UQCC2: variants seen among roughly 807,000 people sequenced by gnomAD.
The protein encoded by UQCC2 is ubiquinol-cytochrome c reductase complex assembly factor 2, also known as breast cancer-associated protein SGA-81M.
UQCC2 carries 21 observed loss-of-function variants against 19.9 expected under a neutral mutation model. That is an observed-to-expected ratio of 1.05 (90% confidence interval 0.75 to 1.52). The LOEUF is 1.52. Ranked by LOEUF, UQCC2 falls within the 40% of genes most tolerant of loss-of-function variation. The pLI is 0.00. For missense variants in UQCC2, 135 were observed against 157.5 expected (o/e 0.86, Z 0.76); for synonymous variants, 57 against 60.9 (o/e 0.94, Z 0.30).
rs1419117050 is a variant in UQCC2 at position 33,711,695 on chromosome 6, C to T, written c.-9G>A. 1.2e-6 allele frequency: 2 copies of T among 1,603,418 alleles called. No individual in the cohort carries two copies. Among genetic ancestry groups the T allele is most frequent in the Non-Finnish European group, 1.7e-6 (2 of 1,176,414 alleles). On this transcript the variant is annotated 5_prime_UTR_variant, in exon 1 of 4. Transcript: ENST00000607484. ...TACCGGCTGGCCGCCATCTTGGGCCCCGCGTGTTCCCGCCTTAGCGGGAGG... is the reference window on the plus strand; with the variant it reads ...TACCGGCTGGCCGCCATCTTGGGCCTCGCGTGTTCCCGCCTTAGCGGGAGG...
chr6:33,709,875 C>G (rs940417927), intron 1 of UQCC2, among the ~76,000 whole-genome samples: 7 of 152,142 alleles, frequency 4.6e-5, no homozygotes, highest in Non-Finnish European at 1.0e-4. Flanking sequence ...CATTTCTGGT[C>G]TCTTGCCCGA....
chr6:33,706,371 T>G (rs1765697944), intron 1 of UQCC2, among the ~76,000 whole-genome samples: 2 of 152,168 alleles, frequency 1.3e-5, no homozygotes, highest in South Asian at 2.1e-4. Flanking sequence ...AGTGCTCCAC[T>G]AGGGGACGGT....
At chr6:33,698,046 T>C (rs1181729660) in intron 3 of UQCC2, 2 of 390,254 alleles carry the variant, frequency 5.1e-6, no homozygotes, top group Non-Finnish European at 9.4e-6. Flanking sequence ...CTGCTCCGTA[T>C]GAGGGCAAAG....
At chr6:33,702,323 C>G (rs1049595218) in intron 1 of UQCC2, among the ~76,000 whole-genome samples, 2 of 147,074 alleles carry the variant, frequency 1.4e-5, no homozygotes, top group African/African-American at 5.2e-5. Context: ...CCAACAGATT[C>G]TTTTAGCAAA....
Position 33,697,686 on chromosome 6 carries a change from G to A in UQCC2, c.348C>T (p.Ala116=). The change falls in exon 4 of 4, where the codon GCC becomes GCT. Residue 116 remains alanine (A), a synonymous_variant. Transcript: ENST00000607484. ...GMWKKLQEKF[A]PKGPEEDHKA Reference sequence around the variant, plus strand: ...TATGATCCTCCTCAGGACCCTTGGGGGCAAACTTCTCCTGCAGTTTCTTCC... The same window carrying A: ...TATGATCCTCCTCAGGACCCTTGGGAGCAAACTTCTCCTGCAGTTTCTTCC... 3 of 1,613,986 alleles carry A rather than the reference G, an allele frequency of 1.9e-6. No homozygotes were observed. Among genetic ancestry groups the A allele is most frequent in the South Asian group, 1.1e-5 (1 of 91,072 alleles).
intron 1 of UQCC2, among the ~76,000 whole-genome samples, chr6:33,707,641 G>A (rs772350939): frequency 2.6e-5 from 4 of 152,216 alleles, no homozygotes; most frequent in Non-Finnish European, 5.9e-5. Flanking sequence ...GCCCCTCGGA[G>A]TTGCACCTTG....
At chr6:33,707,443 G>A (rs1275348582) in intron 1 of UQCC2, among the ~76,000 whole-genome samples, 1 of 152,190 alleles carries the variant, frequency 6.6e-6, no homozygotes, top group African/African-American at 2.4e-5. Context: ...TCAAATGGAT[G>A]ACTGAGAAAA....
chr6:33,708,576 G>A (rs1182994289), intron 1 of UQCC2, among the ~76,000 whole-genome samples: 2 of 152,068 alleles, frequency 1.3e-5, no homozygotes, highest in East Asian at 1.9e-4. Flanking sequence ...TCTCCTCTAC[G>A]GAAATGGAAA....
chr6:33,701,368 T>C lies in UQCC2; in HGVS notation c.191A>G (p.His64Arg). ...CACCTTGTGTTTGTAGTAGTTTGAA[T>C]GGAGTCGCGCTAAGCTCTCGTACAT... is the stretch of plus-strand genomic sequence containing the variant. ...DQMYESLARLHSNYYKHKYPR... is the reference protein window; with the variant it reads ...DQMYESLARLRSNYYKHKYPR... Residue 64 changes from histidine to arginine, a missense_variant, in exon 2 of 4, where the codon CAT becomes CGT. Physicochemically the swap from His to Arg is conservative, Grantham distance 29. Transcript: ENST00000607484. 1 of 1,613,686 alleles carries C rather than the reference T, an allele frequency of 6.2e-7. No individual in the cohort carries two copies. Among genetic ancestry groups the C allele is most frequent in the Non-Finnish European group, 8.5e-7 (1 of 1,179,808 alleles).
intron 1 of UQCC2, among the ~76,000 whole-genome samples, chr6:33,702,369 TATG>T (rs1434904185): frequency 4.6e-5 from 7 of 151,780 alleles, no homozygotes; most frequent in African/African-American, 1.7e-4. Flanking sequence ...GTTCTCAATC[TATG>T]ATAAGTGGGG....
At chr6:33,698,579 A>G (rs1267652071) in intron 3 of UQCC2, 4 of 152,330 alleles carry the variant, frequency 2.6e-5, no homozygotes, top group Non-Finnish European at 5.9e-5. Flanking sequence ...TTGTTTAAGA[A>G]CATACACGTC....
At position 33,702,769 on chromosome 6, in the gene UQCC2, T is replaced by C. The variant is rs140861702; in HGVS notation, c.139-1349A>G. 2.1e-3 allele frequency among the ~76,000 whole-genome samples: 321 copies of C among 152,374 alleles called. 2 individuals carry two copies. The highest frequency in any genetic ancestry group is 7.2e-3 in the African/African-American group (300 of 41,592). The stretch of plus-strand genomic sequence containing the variant: ...TATATTTTTTCCCCCAGAATTCAAA[T>C]GATGGATTTTTTCCTAACTTAAATC... On this transcript the variant is annotated intron_variant, in intron 1 of 3. Transcript: ENST00000607484.
At chr6:33,704,439 C>T (rs1292745201) in intron 1 of UQCC2, among the ~76,000 whole-genome samples, 4 of 152,118 alleles carry the variant, frequency 2.6e-5, no homozygotes, top group Non-Finnish European at 4.4e-5. Flanking sequence ...TGTGCACTGC[C>T]GAGGGTGGCG....
At chr6:33,711,461 G>A (rs982139135) in intron 1 of UQCC2, 88 bp downstream of exon 1, 4 of 1,489,156 alleles carry the variant, frequency 2.7e-6, no homozygotes, top group Non-Finnish European at 3.6e-6. Context: ...GCGCGCGCAT[G>A]CGCAGATCCC....
intron 1 of UQCC2, among the ~76,000 whole-genome samples, chr6:33,708,779 G>A (rs10947432): frequency 0.14 from 20,620 of 152,230 alleles, 1,875 homozygotes; most frequent in Middle Eastern, 0.22. Flanking sequence ...CAGTAGGAGT[G>A]ACTCACAATA....
At chr6:33,707,603 G>A (rs1435578857) in intron 1 of UQCC2, among the ~76,000 whole-genome samples, 2 of 152,234 alleles carry the variant, frequency 1.3e-5, no homozygotes, top group Non-Finnish European at 2.9e-5. Context: ...ACTCCCTGGT[G>A]GGCGAAGAGC....
At position 33,711,650 on chromosome 6, in the gene UQCC2, A is replaced by G. The variant is rs1167742265; in HGVS notation, c.37T>C (p.Cys13Arg). The change falls in exon 1 of 4, where the codon TGT becomes CGT. Residue 13 changes from cysteine (C) to arginine (R), a missense_variant. By Grantham distance (180) the Cys-to-Arg change is radical. Coordinates refer to ENST00000607484, the MANE Select transcript of UQCC2 (RefSeq NM_032340.4). The stretch of plus-strand genomic sequence containing the variant: ...GTCTCGTCCACTGGCCATTCCTCAC[A>G]GAGCTTAAGAAAACGCCGGTACCGG... ...ASRYRRFLKL[C>R]EEWPVDETKR... is the part of the protein sequence containing the mutation. 1.2e-6 allele frequency: 2 copies of G among 1,613,434 alleles called. No individual in the cohort carries two copies. The highest frequency in any genetic ancestry group is 2.2e-5 in the South Asian group (2 of 91,022).
At chr6:33,708,898 T>C (rs1331549838) in intron 1 of UQCC2, among the ~76,000 whole-genome samples, 1 of 152,180 alleles carries the variant, frequency 6.6e-6, no homozygotes, top group East Asian at 1.9e-4. Context: ...GCAACAGTGG[T>C]CCTGAGTAAT....
chr6:33,711,507 G>T, intron 1 of UQCC2, 42 bp downstream of exon 1: 1 of 1,563,218 alleles, frequency 6.4e-7, no homozygotes, highest in Non-Finnish European at 8.7e-7. Context: ...CCCCTGCCTC[G>T]TCCTTTCCTC....
Sources: allele counts gnomAD v4.1 joint callset (sites outside exome capture counted in the v4.1 genomes callset), GRCh38; gene constraint gnomAD v4.1.1; transcripts MANE v1.5; gene names NCBI Gene and HGNC (gene_info 2026-07-23, HGNC 2026-07-21).